The following GALNT13 variants were observed in gnomAD, a reference collection of about 807,000 sequenced individuals.
GALNT13 encodes the protein UDP-GalNAc:polypeptide N-acetylgalactosaminyltransferase 13.
GALNT13 carries 28 observed loss-of-function variants against 64.2 expected under a neutral mutation model. That is an observed-to-expected ratio of 0.44 (90% confidence interval 0.32 to 0.60). GALNT13 has a LOEUF of 0.60. GALNT13 is among the 20% of genes least tolerant of loss of function. The pLI is 0.05. For synonymous variants in GALNT13, 214 were observed against 224.6 expected (o/e 0.95, Z 0.42); for missense variants, 577 against 669.8 (o/e 0.86, Z 1.53).
chr2:154,016,259 C>T lies in GALNT13; in HGVS notation c.142+71620C>T, dbSNP rs375585392. On this transcript the variant is annotated intron_variant, in intron 3 of 12. Coordinates refer to ENST00000392825, the MANE Select transcript of GALNT13 (RefSeq NM_052917.4). ...ACACAAAGTGATCAAAATAGAGTTT[C>T]AGTGACTTTGTGGAGTATAGAATTA... 2.4e-4 allele frequency among the ~76,000 whole-genome samples: 37 copies of T among 152,244 alleles called. 1 individual carries two copies. The South Asian group carries it at 7.7e-3, about 32-fold the overall frequency.
At chr2:153,497,204 C>G in the GALNT13 span, among the ~76,000 whole-genome samples, 1 of 151,996 alleles carries the variant, frequency 6.6e-6, no homozygotes, top group Admixed American at 6.6e-5. Context: ...TGCTAAACAC[C>G]TATTTACATC....
chr2:153,635,228 C>T, the GALNT13 span, among the ~76,000 whole-genome samples: 5 of 151,632 alleles, frequency 3.3e-5, no homozygotes, highest in Non-Finnish European at 7.4e-5. Flanking sequence ...ACATTTTTTT[C>T]TGAGAAATTT....
At chr2:154,355,295 G>A (rs978695281) in intron 9 of GALNT13, among the ~76,000 whole-genome samples, 1 of 152,096 alleles carries the variant, frequency 6.6e-6, no homozygotes, top group Non-Finnish European at 1.5e-5. Context: ...ACGGAGACTT[G>A]CCTTTTAAAA....
the GALNT13 span, among the ~76,000 whole-genome samples, chr2:153,831,562 T>A: frequency 1.3e-4 from 19 of 151,860 alleles, no homozygotes; most frequent in African/African-American, 4.6e-4. Flanking sequence ...TCATCACGCC[T>A]CAGCACCCAG....
the GALNT13 span, among the ~76,000 whole-genome samples, chr2:153,651,260 G>T: frequency 6.6e-6 from 1 of 152,176 alleles, no homozygotes; most frequent in South Asian, 2.1e-4. Context: ...GGGACCAAAA[G>T]TGAGAATCAA....
At chr2:153,764,888 G>A in the GALNT13 span, among the ~76,000 whole-genome samples, 4 of 152,236 alleles carry the variant, frequency 2.6e-5, no homozygotes, top group Non-Finnish European at 5.9e-5. Flanking sequence ...TATGGCTCAG[G>A]CCATTGCTTC....
At chr2:153,135,717 G>C in the GALNT13 span, among the ~76,000 whole-genome samples, 2 of 151,940 alleles carry the variant, frequency 1.3e-5, no homozygotes, top group Admixed American at 6.6e-5. Flanking sequence ...GATTTTAATA[G>C]GTTCAAATAT....
chr2:154,070,481 G>T (rs1700682531), intron 3 of GALNT13, among the ~76,000 whole-genome samples: 1 of 151,768 alleles, frequency 6.6e-6, no homozygotes, highest in Non-Finnish European at 1.5e-5. Context: ...TTATGGAGCT[G>T]GTGTCTTTTA....
intron 3 of GALNT13, among the ~76,000 whole-genome samples, chr2:153,960,655 G>A (rs890282939): frequency 6.6e-6 from 1 of 152,178 alleles, no homozygotes; most frequent in Non-Finnish European, 1.5e-5. Context: ...CCATGGCAAT[G>A]GTAAATTGAC....
intron 11 of GALNT13, among the ~76,000 whole-genome samples, chr2:154,421,001 GT>G (rs960632519): frequency 2.0e-5 from 3 of 151,622 alleles, no homozygotes; most frequent in African/African-American, 7.3e-5. Flanking sequence ...GATATTCCTA[GT>G]TTTTTTTGCT....
the GALNT13 span, among the ~76,000 whole-genome samples, chr2:153,711,505 T>C: frequency 6.6e-6 from 1 of 152,144 alleles, no homozygotes; most frequent in Non-Finnish European, 1.5e-5. Context: ...CCCCATTTCA[T>C]AGGTAATTAA....
chr2:154,012,922 T>C (rs541319800), intron 3 of GALNT13, among the ~76,000 whole-genome samples: 3 of 152,156 alleles, frequency 2.0e-5, no homozygotes, highest in Non-Finnish European at 4.4e-5. Context: ...TTTGTATCTA[T>C]CTTAAAACGG....
the GALNT13 span, among the ~76,000 whole-genome samples, chr2:153,653,324 G>A: frequency 1.3e-5 from 2 of 152,256 alleles, no homozygotes; most frequent in East Asian, 1.9e-4. Context: ...GCCCTTCAGA[G>A]AGTCCTACAC....
chr2:154,209,304 A>T (rs973797199), intron 4 of GALNT13, among the ~76,000 whole-genome samples: 11 of 152,144 alleles, frequency 7.2e-5, no homozygotes, highest in African/African-American at 2.7e-4. Context: ...TAGGTCACAA[A>T]TCTCAGTGGA....
chr2:154,042,746 G>GAATA (rs978404349), intron 3 of GALNT13, among the ~76,000 whole-genome samples: 1 of 145,620 alleles, frequency 6.9e-6, no homozygotes, highest in East Asian at 2.1e-4. Flanking sequence ...AATATTTATT[G>GAATA]AATAAATGAA....
intron 8 of GALNT13, among the ~76,000 whole-genome samples, chr2:154,276,777 G>A (rs919398761): frequency 6.6e-6 from 1 of 152,164 alleles, no homozygotes; most frequent in African/African-American, 2.4e-5. Flanking sequence ...TCATGGGGGT[G>A]GTTAGTTGAG....
At chr2:153,867,105 T>C (rs1685780595), upstream of GALNT13, among the ~76,000 whole-genome samples, 1 of 152,216 alleles carries the variant, frequency 6.6e-6, no homozygotes, top group Admixed American at 6.5e-5. Flanking sequence ...ACAAATCAAC[T>C]ATATATGAAA....
intron 4 of GALNT13, among the ~76,000 whole-genome samples, chr2:154,237,747 G>T (rs1689273180): frequency 6.6e-6 from 1 of 151,514 alleles, no homozygotes; most frequent in Admixed American, 6.6e-5. Context: ...TGTTCATATA[G>T]CCATTGCTTC....
the GALNT13 span, among the ~76,000 whole-genome samples, chr2:153,281,913 G>T: frequency 6.6e-6 from 1 of 151,034 alleles, no homozygotes. Flanking sequence ...CAGGTTAGGT[G>T]TTATCTGGAT....
Sources: allele counts gnomAD v4.1 joint callset (sites outside exome capture counted in the v4.1 genomes callset), GRCh38; gene constraint gnomAD v4.1.1; transcripts MANE v1.5; gene names NCBI Gene and HGNC (gene_info 2026-07-23, HGNC 2026-07-21).